TBCE: variants seen among roughly 807,000 people sequenced by gnomAD.
TBCE encodes the protein tubulin folding cofactor E, also known as tubulin-specific chaperone E.
A neutral mutation model predicts 77.0 loss-of-function variants in TBCE; 53 were observed. The observed-to-expected ratio is 0.69, with a 90% CI of 0.55 to 0.87. TBCE has a LOEUF of 0.87. Ranked by LOEUF, TBCE falls within the 40% of genes least tolerant of loss-of-function variation. TBCE has a pLI of 0.00. For missense variants in TBCE, 624 were observed against 622.4 expected, an observed-to-expected ratio of 1.00 and a Z score of -0.03; for synonymous variants, 235 against 241.3, an observed-to-expected ratio of 0.97 and a Z score of 0.24.
rs991783639 is a variant in TBCE at position 235,431,339 on chromosome 1, C to T, written c.660+535C>T. Among the ~76,000 whole-genome samples the T allele has an allele frequency of 2.6e-5, 4 of 152,054 alleles. No individual in the cohort carries two copies. In the East Asian group the frequency reaches 5.8e-4, roughly 22 times the overall value. On this transcript the variant is annotated intron_variant, in intron 7 of 16. Transcript: ENST00000642610. ...TTTCCTGTCTGAGGTGTACTGACTT[C>T]ACACACCCAGAGCATTCCACTTTCT...
At chr1:235,448,615 T>C in intron 16 of TBCE, 55 bp from the exon 17 acceptor site, 1 of 1,492,982 alleles carries the variant, frequency 6.7e-7, no homozygotes, top group South Asian at 1.1e-5. Flanking sequence ...ATGTGTAGCA[T>C]GCTTTATCGG....
chr1:235,449,361 G>C lies in TBCE; in HGVS notation c.*599G>C, dbSNP rs1682752308. 6.5e-6 allele frequency: 1 copy of C among 153,710 alleles called. No individual in the cohort carries two copies. Among genetic ancestry groups the C allele is most frequent in the South Asian group, 2.0e-4 (1 of 4,966 alleles). The allele number at this position is 153,710 out of a possible 1,614,324, so 9.5% of individuals were successfully genotyped here. On this transcript the variant is annotated 3_prime_UTR_variant, in exon 17 of 17. Coordinates refer to ENST00000642610, the MANE Select transcript of TBCE (RefSeq NM_003193.5). ...TTTGATTGAAATGTACTCATATTAG[G>C]TAAACATTAGGCAATGATAGGAGGA...
At chr1:235,375,564 T>C (rs954958490) in intron 1 of TBCE, among the ~76,000 whole-genome samples, 7 of 152,030 alleles carry the variant, frequency 4.6e-5, no homozygotes, top group African/African-American at 1.7e-4. Flanking sequence ...AGTAACAGCA[T>C]CAAGTAGGTC....
At chr1:235,445,649 A>G (rs1007635334) in intron 15 of TBCE, among the ~76,000 whole-genome samples, 4 of 152,284 alleles carry the variant, frequency 2.6e-5, no homozygotes, top group African/African-American at 9.6e-5. Flanking sequence ...TTAAAACAAA[A>G]CAAAACAAAA....
intron 12 of TBCE, among the ~76,000 whole-genome samples, chr1:235,437,869 A>AG (rs963514338): frequency 2.6e-5 from 4 of 151,934 alleles, no homozygotes; most frequent in Non-Finnish European, 5.9e-5. Context: ...AATATTGTAA[A>AG]GGGGGTGAGA....
intron 15 of TBCE, among the ~76,000 whole-genome samples, chr1:235,443,165 TACAC>T (rs759694992): frequency 1.3e-4 from 19 of 148,386 alleles, no homozygotes; most frequent in Non-Finnish European, 2.2e-4. Flanking sequence ...TGCATATAAT[TACAC>T]ACACACACAC....
chr1:235,388,111 T>C (rs1678136420), intron 2 of TBCE, among the ~76,000 whole-genome samples: 1 of 152,160 alleles, frequency 6.6e-6, no homozygotes, highest in African/African-American at 2.4e-5. Context: ...ACCAGACACT[T>C]GAAAGCATGC....
chr1:235,407,611 T>G (rs1349724336), intron 3 of TBCE, among the ~76,000 whole-genome samples: 1 of 152,172 alleles, frequency 6.6e-6, no homozygotes, highest in East Asian at 1.9e-4. Context: ...TAAACTGAAT[T>G]CTTGGAGCAG....
intron 15 of TBCE, among the ~76,000 whole-genome samples, chr1:235,443,214 T>A (rs943401836): frequency 6.6e-6 from 1 of 151,766 alleles, no homozygotes; most frequent in African/African-American, 2.4e-5. Context: ...ACACACAATT[T>A]TTTTTGAGAC....
intron 1 of TBCE, among the ~76,000 whole-genome samples, chr1:235,371,717 G>T (rs1163811457): frequency 6.6e-6 from 1 of 151,934 alleles, no homozygotes; most frequent in African/African-American, 2.4e-5. Flanking sequence ...TTGTCACCCA[G>T]GCTGGAGTGC....
chr1:235,379,356 C>T (rs1202955511), intron 1 of TBCE, among the ~76,000 whole-genome samples: 4 of 151,880 alleles, frequency 2.6e-5, no homozygotes, highest in Non-Finnish European at 4.4e-5. Context: ...GGTGAAACCC[C>T]GTCTATACTA....
intron 9 of TBCE, 85 bp downstream of exon 9, chr1:235,435,925 A>G: frequency 8.7e-7 from 1 of 1,154,574 alleles, no homozygotes; most frequent in Non-Finnish European, 1.3e-6. Flanking sequence ...TGCTTTCTCA[A>G]TAGAAACGTG....
At position 235,383,403 on chromosome 1, in the gene TBCE, A is replaced by G. The variant is rs552381562; in HGVS notation, c.100+3254A>G. Among the ~76,000 whole-genome samples the G allele has an allele frequency of 6.1e-3, 927 of 152,138 alleles. 4 individuals carry two copies. Among genetic ancestry groups the G allele is most frequent in the South Asian group, 0.012 (59 of 4,812 alleles). ...TGGCATTGAATCTGTAAATTACCTT[A>G]GGCAGTATGGCCATTTTCACGATAT... On this transcript the variant is annotated intron_variant, in intron 2 of 16. Coordinates refer to ENST00000642610, the MANE Select transcript of TBCE (RefSeq NM_003193.5).
At chr1:235,425,067 C>A (rs183266867) in intron 5 of TBCE, among the ~76,000 whole-genome samples, 54 of 152,272 alleles carry the variant, frequency 3.5e-4, no homozygotes, top group African/African-American at 9.9e-4. Context: ...TCTTGAGAGA[C>A]CTTCTGGGGT....
At chr1:235,392,751 C>G (rs1678472021) in intron 2 of TBCE, among the ~76,000 whole-genome samples, 1 of 151,926 alleles carries the variant, frequency 6.6e-6, no homozygotes, top group Non-Finnish European at 1.5e-5. Flanking sequence ...TATTGAAAAA[C>G]TTGATTCTAT....
At position 235,427,223 on chromosome 1, in the gene TBCE, G is replaced by A; in HGVS notation, c.544G>A (p.Glu182Lys). 6.2e-7 allele frequency: 1 copy of A among 1,612,834 alleles called. No individual in the cohort carries two copies. ...IHIADQLRHL[E>K]VLNVSENKLK... ...CATTGCTGATCAGCTCAGACACCTG[G>A]AAGTCCTTAATGTCAGGTATGAACT... is the stretch of plus-strand genomic sequence containing the variant. The change falls in exon 6 of 17, where the codon GAA (glutamate) becomes AAA (lysine). Residue 182 changes from glutamate to lysine, a missense_variant. By Grantham distance (56) the Glu-to-Lys change is moderately conservative. Transcript: ENST00000642610.
intron 6 of TBCE, among the ~76,000 whole-genome samples, chr1:235,428,248 T>C (rs1680852335): frequency 1.3e-5 from 2 of 150,348 alleles, no homozygotes; most frequent in Admixed American, 6.6e-5. Context: ...GGCATGAACC[T>C]GGGAGGCGGA....
At chr1:235,406,695 C>A (rs1481157722) in intron 3 of TBCE, among the ~76,000 whole-genome samples, 1 of 151,956 alleles carries the variant, frequency 6.6e-6, no homozygotes, top group African/African-American at 2.4e-5. Flanking sequence ...CTACACCTGG[C>A]TAATTTTTGT....
At chr1:235,434,692 A>G (rs977697006) in intron 8 of TBCE, among the ~76,000 whole-genome samples, 1 of 151,930 alleles carries the variant, frequency 6.6e-6, no homozygotes, top group Non-Finnish European at 1.5e-5. Context: ...GCCTGCCACC[A>G]TGCCCGGCTA....
Sources: gnomAD v4.1 joint callset for allele counts (sites outside exome capture counted in the v4.1 genomes callset) on GRCh38, gnomAD v4.1.1 for gene constraint, MANE v1.5 for transcripts, NCBI Gene and HGNC (gene_info 2026-07-23, HGNC 2026-07-21) for gene names.